Variants in GIPC3 observed in about 807,000 individuals in gnomAD.
The protein encoded by GIPC3 is GIPC PDZ domain containing family member 3.
In GIPC3, 16 loss-of-function variants were observed where a neutral mutation model predicts 27.3. The ratio of observed to expected loss-of-function variants is 0.59; its 90% confidence interval spans 0.40 to 0.89. The LOEUF (loss-of-function observed/expected upper bound fraction) is 0.89. GIPC3 is among the 40% of genes least tolerant of loss of function. The pLI, the probability that GIPC3 is intolerant of heterozygous loss-of-function variation, is 0.00. For missense variants in GIPC3, 440 were observed against 442.1 expected (o/e 1.00, Z 0.04); for synonymous variants, 194 against 184.6 (o/e 1.05, Z -0.41).
chr19:3,590,249 C>G lies in GIPC3; in HGVS notation c.*59C>G. The G allele has an allele frequency of 3.2e-6, 5 of 1,541,292 alleles. No individual in the cohort carries two copies. Among genetic ancestry groups the G allele is most frequent in the Non-Finnish European group, 4.4e-6 (5 of 1,142,086 alleles). Reference sequence around the variant, plus strand: ...CGGAGCCCAGCCCCCTGCCCCGGCCCTGCTCCAGAACCCAGCCCAGATCGG... The same window carrying G: ...CGGAGCCCAGCCCCCTGCCCCGGCCGTGCTCCAGAACCCAGCCCAGATCGG... On this transcript the variant is annotated 3_prime_UTR_variant, in exon 6 of 6. Coordinates refer to ENST00000644452, the MANE Select transcript of GIPC3 (RefSeq NM_133261.3).
intron 3 of GIPC3, among the ~76,000 whole-genome samples, chr19:3,587,241 C>T (rs2032388624): frequency 6.6e-6 from 1 of 151,972 alleles, no homozygotes; most frequent in African/African-American, 2.4e-5. Flanking sequence ...GCGTCCAGAA[C>T]CACTTTGGAG....
At position 3,590,277 on chromosome 19, in the gene GIPC3, G is replaced by A. The variant is rs2032463447; in HGVS notation, c.*87G>A. 2.0e-6 allele frequency: 3 copies of A among 1,507,904 alleles called. No individual in the cohort carries two copies. Among genetic ancestry groups the A allele is most frequent in the South Asian group, 1.3e-5 (1 of 79,712 alleles). 93.4% of individuals were successfully genotyped at this position (1,507,904 alleles called of 1,614,324 possible). A position where few individuals can be genotyped will look rare whatever the true frequency, so the allele number is the denominator to read the frequency against. On this transcript the variant is annotated 3_prime_UTR_variant, in exon 6 of 6. Coordinates refer to ENST00000644452, the MANE Select transcript of GIPC3 (RefSeq NM_133261.3). Reference sequence around the variant, plus strand: ...CTCCAGAACCCAGCCCAGATCGGAGGACAAGTTCCTCTCTAGAACCCAATC... The same window carrying A: ...CTCCAGAACCCAGCCCAGATCGGAGAACAAGTTCCTCTCTAGAACCCAATC...
chr19:3,585,558 G>T lies in GIPC3; in HGVS notation c.-40G>T. 1 of 1,141,674 alleles carries T rather than the reference G, an allele frequency of 8.8e-7. No individual in the cohort carries two copies. The highest frequency in any genetic ancestry group is 4.3e-5 in the South Asian group (1 of 23,480). 70.7% of individuals were successfully genotyped at this position (1,141,674 alleles called of 1,614,324 possible). A position where few individuals can be genotyped will look rare whatever the true frequency, so the allele number is the denominator to read the frequency against. ...TGCAGGAAGCGGCGGATCCGGCGGC[G>T]GCGGCGAGGGCCCGGGTGGGTGGCC... On this transcript the variant is annotated 5_prime_UTR_variant, in exon 1 of 6. Transcript: ENST00000644452.
In GIPC3 at chr19:3,592,143, T is replaced by C. The variant is rs1425055555; in HGVS notation, c.*1953T>C. 2.4e-6 allele frequency: 3 copies of C among 1,231,836 alleles called. No individual in the cohort carries two copies. Among genetic ancestry groups the C allele is most frequent in the Non-Finnish European group, 3.0e-6 (3 of 988,056 alleles). The allele number at this position is 1,231,836 out of a possible 1,614,324, so 76.3% of individuals were successfully genotyped here. On this transcript the variant is annotated 3_prime_UTR_variant, in exon 6 of 6. Transcript: ENST00000644452. ...GGCCATCGCAGCAATAGAATTAAGC[T>C]CCACAGCCCTGTCTAGTTCCGACAG...
chr19:3,591,210 G>T lies in GIPC3; in HGVS notation c.*1020G>T. The T allele has an allele frequency of 8.1e-7, 1 of 1,232,882 alleles. No homozygotes were observed. The highest frequency in any genetic ancestry group is 3.2e-5 in the East Asian group (1 of 31,720). 76.4% of individuals were successfully genotyped at this position (1,232,882 alleles called of 1,614,324 possible). A position where few individuals can be genotyped will look rare whatever the true frequency, so the allele number is the denominator to read the frequency against. On this transcript the variant is annotated 3_prime_UTR_variant, in exon 6 of 6. Coordinates refer to ENST00000644452, the MANE Select transcript of GIPC3 (RefSeq NM_133261.3). ...CTGTTCTAGAACTCAGGCCACCTCT[G>T]AGGCCAAACCCAGCTCTAGAACCCA...
rs2032347128 is a variant in GIPC3 at position 3,585,587 on chromosome 19, CT to C, written c.-9del. ...GCGAGGGCCCGGGTGGGTGGCCGAA[CT>C]TCTCCCGCCATGGAGGGAGCAGCGG... On this transcript the variant is annotated 5_prime_UTR_variant, in exon 1 of 6. Transcript: ENST00000644452. 19 of 1,149,152 alleles carry C rather than the reference CT, an allele frequency of 1.7e-5. No homozygotes were observed. The highest frequency in any genetic ancestry group is 1.8e-5 in the Non-Finnish European group (17 of 935,524). The allele number at this position is 1,149,152 out of a possible 1,614,324, so 71.2% of individuals were successfully genotyped here.
Position 3,592,517 on chromosome 19 carries a change from C to T in GIPC3, c.*2327C>T. On this transcript the variant is annotated 3_prime_UTR_variant, in exon 6 of 6. Transcript: ENST00000644452. ...CCCAGACCACTGCAAGAATTCAGCTCAGCCCTGGAGCTCATCTTAGCTCCA... is the reference window on the plus strand; with the variant it reads ...CCCAGACCACTGCAAGAATTCAGCTTAGCCCTGGAGCTCATCTTAGCTCCA... The T allele has an allele frequency of 8.1e-7, 1 of 1,228,844 alleles. No individual in the cohort carries two copies. The highest frequency in any genetic ancestry group is 1.0e-6 in the Non-Finnish European group (1 of 986,806). The allele number at this position is 1,228,844 out of a possible 1,614,324, so 76.1% of individuals were successfully genotyped here. A position where few individuals can be genotyped will look rare whatever the true frequency, so the allele number is the denominator to read the frequency against.
chr19:3,589,277 G>T (rs2032435402), intron 3 of GIPC3, among the ~76,000 whole-genome samples, 166 bp from the exon 4 acceptor site: 1 of 152,170 alleles, frequency 6.6e-6, no homozygotes, highest in African/African-American at 2.4e-5. Context: ...CTGGGGATGC[G>T]AAGTGTGGAA....
At chr19:3,587,782 C>A (rs1000536431) in intron 3 of GIPC3, among the ~76,000 whole-genome samples, 2 of 146,294 alleles carry the variant, frequency 1.4e-5, no homozygotes, top group African/African-American at 2.5e-5. Context: ...GCTCCGCCTC[C>A]CGGGTTCACA....
rs2032489437 is a variant in GIPC3, at chr19:3,591,624, GA to G, written c.*1437del. 1 of 1,233,190 alleles carries G rather than the reference GA, an allele frequency of 8.1e-7. No individual in the cohort carries two copies. The highest frequency in any genetic ancestry group is 1.0e-6 in the Non-Finnish European group (1 of 989,088). 76.4% of individuals were successfully genotyped at this position (1,233,190 alleles called of 1,614,324 possible). On this transcript the variant is annotated 3_prime_UTR_variant, in exon 6 of 6. Coordinates refer to ENST00000644452, the MANE Select transcript of GIPC3 (RefSeq NM_133261.3). ...CTATTCAAGAACTCAGACCAGCTCA[GA>G]AACCCAGGTCCACACGGCTGCCCAG...
Position 3,593,474 on chromosome 19 carries a change from C to A in GIPC3, c.*3284C>A. Reference sequence around the variant, plus strand: ...CAGGTCCTTGGAGGGAAAAGGAGGGCAGGAGACGGGTTGCACCGCATGTAC... The same window carrying A: ...CAGGTCCTTGGAGGGAAAAGGAGGGAAGGAGACGGGTTGCACCGCATGTAC... On this transcript the variant is annotated 3_prime_UTR_variant, in exon 6 of 6. Coordinates refer to ENST00000644452, the MANE Select transcript of GIPC3 (RefSeq NM_133261.3). 2.2e-6 allele frequency: 1 copy of A among 463,132 alleles called. No individual in the cohort carries two copies. The allele number at this position is 463,132 out of a possible 1,614,324, so 28.7% of individuals were successfully genotyped here.
Position 3,585,551 on chromosome 19 carries a change from C to G in GIPC3, c.-47C>G. 1 of 1,116,354 alleles carries G rather than the reference C, an allele frequency of 9.0e-7. No individual in the cohort carries two copies. The highest frequency in any genetic ancestry group is 1.1e-6 in the Non-Finnish European group (1 of 911,832). 69.2% of individuals were successfully genotyped at this position (1,116,354 alleles called of 1,614,324 possible). Reference sequence around the variant, plus strand: ...GGGAGGCTGCAGGAAGCGGCGGATCCGGCGGCGGCGGCGAGGGCCCGGGTG... The same window carrying G: ...GGGAGGCTGCAGGAAGCGGCGGATCGGGCGGCGGCGGCGAGGGCCCGGGTG... On this transcript the variant is annotated 5_prime_UTR_variant, in exon 1 of 6. Transcript: ENST00000644452.
chr19:3,590,136 G>C lies in GIPC3; in HGVS notation c.885G>C (p.Glu295Asp). Reference sequence around the variant, plus strand: ...TGGGCGAGTTCGCCTTCCCCGACGAGTTTGTGGTGGAAGTGTGGGCCGCCA... The same window carrying C: ...TGGGCGAGTTCGCCTTCCCCGACGACTTTGTGGTGGAAGTGTGGGCCGCCA... ...SVLGEFAFPDEFVVEVWAAIG... is the reference protein window; with the variant it reads ...SVLGEFAFPDDFVVEVWAAIG... The change falls in exon 6 of 6, where the codon GAG becomes GAC. Residue 295 changes from glutamate to aspartate, a missense_variant. By Grantham distance (45) the Glu-to-Asp change is conservative. Coordinates refer to ENST00000644452, the MANE Select transcript of GIPC3 (RefSeq NM_133261.3). 5 of 1,611,150 alleles carry C rather than the reference G, an allele frequency of 3.1e-6. No individual in the cohort carries two copies. The highest frequency in any genetic ancestry group is 4.2e-6 in the Non-Finnish European group (5 of 1,179,020).
rs1436891312 is a variant in GIPC3, at chr19:3,590,575, GCT to G, written c.*388_*389del. 7.5e-7 allele frequency: 1 copy of G among 1,327,406 alleles called. No homozygotes were observed. Among genetic ancestry groups the G allele is most frequent in the Non-Finnish European group, 9.6e-7 (1 of 1,043,054 alleles). The allele number at this position is 1,327,406 out of a possible 1,614,324, so 82.2% of individuals were successfully genotyped here. A position where few individuals can be genotyped will look rare whatever the true frequency, so the allele number is the denominator to read the frequency against. ...AAGCCCAGCTCTAGAACCCAGATGAGCTCTGAGACCATGCCCAGCTCTAGAAC... is the reference window on the plus strand; with the variant it reads ...AAGCCCAGCTCTAGAACCCAGATGAGCTGAGACCATGCCCAGCTCTAGAAC... On this transcript the variant is annotated 3_prime_UTR_variant, in exon 6 of 6. Coordinates refer to ENST00000644452, the MANE Select transcript of GIPC3 (RefSeq NM_133261.3).
rs561617762 is a variant in GIPC3 at position 3,589,960 on chromosome 19, C to T, written c.787+48C>T. 32 of 1,613,382 alleles carry T rather than the reference C, an allele frequency of 2.0e-5. 1 individual carries two copies. Among genetic ancestry groups the T allele is most frequent in the East Asian group, 4.5e-5 (2 of 44,874 alleles). ...GGGGCCCTGGGGGGAGGGAAGCCTA[C>T]GGGAGGAGGCAGGGGTCCCAGCGGG... On this transcript the variant is annotated intron_variant, in intron 5 of 5. Transcript: ENST00000644452.
Position 3,586,857 on chromosome 19 carries a change from G to T in GIPC3, c.455G>T (p.Cys152Phe), listed in dbSNP as rs370334898. Residue 152 changes from cysteine (C) to phenylalanine (F), a missense_variant, in exon 3 of 6, where the codon TGC becomes TTC. Physicochemically the swap from Cys to Phe is radical, Grantham distance 205 (BLOSUM62 -2). Transcript: ENST00000644452. ...ATCATCAACCGGATCGAGGCAGTGTGCGTGGGTGACAGCATCGAAGCCATC... is the reference window on the plus strand; with the variant it reads ...ATCATCAACCGGATCGAGGCAGTGTTCGTGGGTGACAGCATCGAAGCCATC... ...GSIINRIEAV[C>F]VGDSIEAIND... The T allele has an allele frequency of 1.3e-5, 21 of 1,613,546 alleles. No individual in the cohort carries two copies. In the African/African-American group the frequency reaches 2.7e-4, roughly 21 times the overall value.
Position 3,593,252 on chromosome 19 carries a change from G to A in GIPC3, c.*3062G>A. ...CGCCAGCCCTTTGCCCCACTCTGGG[G>A]GAGCCAGGAGCCCGCCCTTACCGCG... is the stretch of plus-strand genomic sequence containing the variant. On this transcript the variant is annotated 3_prime_UTR_variant, in exon 6 of 6. Coordinates refer to ENST00000644452, the MANE Select transcript of GIPC3 (RefSeq NM_133261.3). 1 of 1,232,740 alleles carries A rather than the reference G, an allele frequency of 8.1e-7. No homozygotes were observed. Among genetic ancestry groups the A allele is most frequent in the Non-Finnish European group, 1.0e-6 (1 of 988,446 alleles). 76.4% of individuals were successfully genotyped at this position (1,232,740 alleles called of 1,614,324 possible). A position where few individuals can be genotyped will look rare whatever the true frequency, so the allele number is the denominator to read the frequency against.
chr19:3,592,548 C>T lies in GIPC3; in HGVS notation c.*2358C>T. ...TGGAGCTCATCTTAGCTCCAGAACCCAGTCCAGTCCTGAGACCAGGCTCAG... is the reference window on the plus strand; with the variant it reads ...TGGAGCTCATCTTAGCTCCAGAACCTAGTCCAGTCCTGAGACCAGGCTCAG... On this transcript the variant is annotated 3_prime_UTR_variant, in exon 6 of 6. Coordinates refer to ENST00000644452, the MANE Select transcript of GIPC3 (RefSeq NM_133261.3). 4 of 1,220,176 alleles carry T rather than the reference C, an allele frequency of 3.3e-6. No homozygotes were observed. Among genetic ancestry groups the T allele is most frequent in the Non-Finnish European group, 3.1e-6 (3 of 977,944 alleles). The allele number at this position is 1,220,176 out of a possible 1,614,324, so 75.6% of individuals were successfully genotyped here. A position where few individuals can be genotyped will look rare whatever the true frequency, so the allele number is the denominator to read the frequency against.
intron 1 of GIPC3, 97 bp downstream of exon 1, chr19:3,585,919 C>A: frequency 6.8e-7 from 1 of 1,464,502 alleles, no homozygotes; most frequent in South Asian, 1.2e-5. Context: ...ATCCCCGGAT[C>A]CCAGACGTCG....
Sources: allele counts gnomAD v4.1 joint callset (sites outside exome capture counted in the v4.1 genomes callset), GRCh38; gene constraint gnomAD v4.1.1; transcripts MANE v1.5; gene names NCBI Gene and HGNC (gene_info 2026-07-23, HGNC 2026-07-21).